Variants in CDH8 observed in about 807,000 individuals in gnomAD.
CDH8 encodes the protein cadherin-8.
CDH8 carries 17 observed loss-of-function variants against 68.1 expected under a neutral mutation model. That is an observed-to-expected ratio of 0.25 (90% confidence interval 0.17 to 0.37). The LOEUF (loss-of-function observed/expected upper bound fraction) is 0.37, where lower values mean the gene tolerates loss of function less well. CDH8 is among the 10% of genes least tolerant of loss of function. The probability of loss-of-function intolerance (pLI) is 1.00; values close to 1 mark genes in which losing one functional copy is unlikely to be tolerated. For missense variants in CDH8, 763 were observed against 999.3 expected, an observed-to-expected ratio of 0.76 and a Z score of 3.19; for synonymous variants, 372 against 365.1, an observed-to-expected ratio of 1.02 and a Z score of -0.21.
intron 2 of CDH8, among the ~76,000 whole-genome samples, chr16:61,955,249 A>G (rs982955525): frequency 2.0e-5 from 3 of 152,230 alleles, no homozygotes; most frequent in Non-Finnish European, 4.4e-5. Context: ...TTCTCTATAT[A>G]TAATGAACCA....
chr16:61,789,207 T>C, intron 8 of CDH8, 139 bp downstream of exon 8: 1 of 677,886 alleles, frequency 1.5e-6, no homozygotes, highest in Non-Finnish European at 2.4e-6. Context: ...GATGATACAT[T>C]CAAAGGCTCC....
At chr16:61,687,325 T>C (rs58430099) in intron 10 of CDH8, among the ~76,000 whole-genome samples, 8,935 of 151,976 alleles carry the variant, frequency 0.059, 905 homozygotes, top group African/African-American at 0.2. Flanking sequence ...ACTGTACACA[T>C]ACAGATTTTA....
intron 7 of CDH8, among the ~76,000 whole-genome samples, chr16:61,801,738 G>A (rs995667881): frequency 6.6e-5 from 10 of 152,204 alleles, no homozygotes; most frequent in Non-Finnish European, 1.3e-4. Context: ...ACTCCCACCC[G>A]AATATTGCCC....
chr16:61,931,640 G>C (rs1168514815), intron 2 of CDH8, among the ~76,000 whole-genome samples: 1 of 152,058 alleles, frequency 6.6e-6, no homozygotes, highest in Non-Finnish European at 1.5e-5. Flanking sequence ...TGCCACCAAT[G>C]TCATTTGGGC....
intron 7 of CDH8, among the ~76,000 whole-genome samples, chr16:61,792,827 G>A (rs937863069): frequency 3.3e-5 from 5 of 151,942 alleles, no homozygotes; most frequent in African/African-American, 1.2e-4. Context: ...CAACATGTGT[G>A]TGCTGACCGC....
At chr16:61,656,812 T>C (rs1963457588) in intron 10 of CDH8, among the ~76,000 whole-genome samples, 1 of 152,200 alleles carries the variant, frequency 6.6e-6, no homozygotes, top group South Asian at 2.1e-4. Context: ...CCACATTAGA[T>C]ACACAGTTCT....
At chr16:61,758,908 G>T (rs759570830) in intron 8 of CDH8, among the ~76,000 whole-genome samples, 1 of 152,060 alleles carries the variant, frequency 6.6e-6, no homozygotes, top group Admixed American at 6.6e-5. Context: ...TTATGCTGGG[G>T]GTTGCAATTT....
chr16:61,773,457 A>C (rs1960829068), intron 8 of CDH8, among the ~76,000 whole-genome samples: 1 of 152,138 alleles, frequency 6.6e-6, no homozygotes, highest in Non-Finnish European at 1.5e-5. Context: ...GCTGAATCCT[A>C]TCTGTACTGG....
At position 61,881,828 on chromosome 16, in the gene CDH8, C is replaced by T. The variant is rs148167512; in HGVS notation, c.547+19351G>A. Among the ~76,000 whole-genome samples the T allele has an allele frequency of 1.3e-3, 192 of 152,214 alleles. 3 individuals carry two copies. The highest frequency in any genetic ancestry group is 7.0e-3 in the South Asian group (34 of 4,826). ...TTGTAACCCCTTCTGGCTTCAAAGC[C>T]GGAGCTTTTAACTTTGAACGCTTCA... On this transcript the variant is annotated intron_variant, in intron 3 of 11. Transcript: ENST00000577390.
chr16:61,726,882 T>C, intron 9 of CDH8: 1 of 541,536 alleles, frequency 1.8e-6, no homozygotes, highest in Non-Finnish European at 3.2e-6. Context: ...CAGCAGGTTG[T>C]TCCACTTTAG....
intron 7 of CDH8, among the ~76,000 whole-genome samples, chr16:61,812,782 T>C (rs999115887): frequency 1.8e-4 from 27 of 152,174 alleles, no homozygotes; most frequent in Non-Finnish European, 2.8e-4. Flanking sequence ...ATCCATAATC[T>C]AGAAGAGCGT....
At chr16:61,766,798 G>C (rs759690737) in intron 8 of CDH8, among the ~76,000 whole-genome samples, 1 of 151,808 alleles carries the variant, frequency 6.6e-6, no homozygotes, top group Non-Finnish European at 1.5e-5. Flanking sequence ...TCTATTCATC[G>C]TAATATTATG....
intron 10 of CDH8, among the ~76,000 whole-genome samples, chr16:61,666,178 C>CTGTGTG (rs370163800): frequency 0.029 from 4,215 of 144,098 alleles, 203 homozygotes; most frequent in African/African-American, 0.098. Context: ...AGCACATACT[C>CTGTGTG]TGTGTGTGTG....
In CDH8 at chr16:61,801,916, C is replaced by A. The variant is rs539109765; in HGVS notation, c.1278-12434G>T. Among the ~76,000 whole-genome samples, 99 of 145,840 alleles carry A rather than the reference C, an allele frequency of 6.8e-4. 4 individuals are homozygous for A. In the South Asian group the frequency reaches 0.015, roughly 21 times the overall value. On this transcript the variant is annotated intron_variant, in intron 7 of 11. Coordinates refer to ENST00000577390, the MANE Select transcript of CDH8 (RefSeq NM_001796.5). ...GGGCGCCCGCCATTGCCCAGGCTTG[C>A]TTAGGTAAACAAAGCAGCCGGGAAG... is the stretch of plus-strand genomic sequence containing the variant.
intron 10 of CDH8, among the ~76,000 whole-genome samples, chr16:61,713,033 G>C (rs1413028222): frequency 6.6e-6 from 1 of 151,490 alleles, no homozygotes; most frequent in Admixed American, 6.6e-5. Flanking sequence ...CCAGAAAAAA[G>C]CCTGAGACAT....
At chr16:61,703,601 G>C (rs1964474033) in intron 10 of CDH8, among the ~76,000 whole-genome samples, 1 of 152,156 alleles carries the variant, frequency 6.6e-6, no homozygotes, top group South Asian at 2.1e-4. Context: ...AGCACTTTGG[G>C]AGGCCGAGGC....
chr16:61,916,451 G>T (rs557790343), intron 2 of CDH8, among the ~76,000 whole-genome samples: 110 of 152,154 alleles, frequency 7.2e-4, no homozygotes, highest in Admixed American at 3.9e-4. Flanking sequence ...GGAGGCGGAG[G>T]TTGCAGTGAA....
chr16:61,781,762 G>T (rs535560310), intron 8 of CDH8, among the ~76,000 whole-genome samples: 1 of 152,272 alleles, frequency 6.6e-6, no homozygotes, highest in South Asian at 2.1e-4. Context: ...GAGGCTTAAG[G>T]TGATAATCAG....
intron 8 of CDH8, among the ~76,000 whole-genome samples, chr16:61,756,473 A>G (rs181656179): frequency 6.6e-6 from 1 of 152,248 alleles, no homozygotes; most frequent in Admixed American, 6.5e-5. Flanking sequence ...TTGGGAGGCA[A>G]CAGAAATACA....
Sources: allele counts gnomAD v4.1 joint callset (sites outside exome capture counted in the v4.1 genomes callset), GRCh38; gene constraint gnomAD v4.1.1; transcripts MANE v1.5; gene names NCBI Gene and HGNC (gene_info 2026-07-23, HGNC 2026-07-21).